The following ANKRD30A variants were observed in gnomAD, a reference collection of about 807,000 sequenced individuals.
ANKRD30A encodes ankyrin repeat domain-containing protein 30A.
A neutral mutation model predicts 166.3 loss-of-function variants in ANKRD30A; 170 were observed. That is an observed-to-expected ratio of 1.02 (90% CI 0.90 to 1.16). The LOEUF (loss-of-function observed/expected upper bound fraction) is 1.16. Among genes scored for constraint, ANKRD30A ranks in the 50% most tolerant of loss-of-function variants. ANKRD30A has a pLI of 0.00. For synonymous variants in ANKRD30A, 564 were observed against 508.9 expected, an observed-to-expected ratio of 1.11 and a Z score of -1.46; for missense variants, 1,630 against 1,518.0, an observed-to-expected ratio of 1.07 and a Z score of -1.23.
At chr10:37,149,288 C>T (rs1005881724) in intron 9 of ANKRD30A, among the ~76,000 whole-genome samples, 5 of 151,884 alleles carry the variant, frequency 3.3e-5, no homozygotes, top group African/African-American at 9.7e-5. Flanking sequence ...AAAGATAGGC[C>T]ATATTAAAGA....
chr10:37,153,840 A>T (rs1413310850), intron 13 of ANKRD30A, among the ~76,000 whole-genome samples, 178 bp downstream of exon 13: 1 of 152,168 alleles, frequency 6.6e-6, no homozygotes, highest in African/African-American at 2.4e-5. Flanking sequence ...GACTATATTG[A>T]GAGTGCTGAA....
downstream of ANKRD30A, among the ~76,000 whole-genome samples, chr10:37,237,057 C>G (rs966773866): frequency 3.3e-5 from 5 of 152,156 alleles, no homozygotes; most frequent in African/African-American, 1.2e-4. Context: ...TATTTTTTAA[C>G]CTGTTGCACC....
At chr10:37,234,863 TCACATGGTGGAAAGTTGTGC>T (rs1383246642), downstream of ANKRD30A, among the ~76,000 whole-genome samples, 1 of 152,174 alleles carries the variant, frequency 6.6e-6, no homozygotes, top group South Asian at 2.1e-4. Flanking sequence ...GAACATTGTG[TCACATGGTGGAAAGTTGTGC>T]CACATGGTGG....
intron 24 of ANKRD30A, among the ~76,000 whole-genome samples, chr10:37,179,713 T>C (rs1196849272): frequency 2.9e-5 from 4 of 139,076 alleles, no homozygotes; most frequent in Non-Finnish European, 6.4e-5. Flanking sequence ...TGCAATGATA[T>C]AAATTATTAT....
chr10:37,255,624 A>G, the ANKRD30A span, among the ~76,000 whole-genome samples: 582 of 152,320 alleles, frequency 3.8e-3, 1 homozygote, highest in African/African-American at 0.013. Flanking sequence ...GTAGTCATTA[A>G]GCAATAACTC....
Position 37,164,077 on chromosome 10 carries a change from G to T in ANKRD30A, c.2003-1017G>T, listed in dbSNP as rs1310990561. Among the ~76,000 whole-genome samples the T allele has an allele frequency of 2.0e-5, 3 of 148,044 alleles. No homozygotes were observed. In the Admixed American group the frequency reaches 2.1e-4, roughly 10 times the overall value. On this transcript the variant is annotated intron_variant, in intron 17 of 35. Coordinates refer to ENST00000361713, the MANE Select transcript of ANKRD30A (RefSeq NM_052997.3). ...TTTGAGTTTCCTGGACCCTCTGCAT[G>T]AATTGTGAACATGAGCTATGCTGAG...
rs562392069 is a variant in ANKRD30A at position 37,193,998 on chromosome 10, C to G, written c.2614+740C>G. On this transcript the variant is annotated intron_variant, in intron 27 of 35. Transcript: ENST00000361713. ...TAAGTTAAGGTCAGGAGTCCCAGAC[C>G]AGCCTGGTCAAATTAGTGAAACCCC... Among the ~76,000 whole-genome samples, 7 of 152,210 alleles carry G rather than the reference C, an allele frequency of 4.6e-5. No individual in the cohort carries two copies. The East Asian group carries it at 1.4e-3, about 30-fold the overall frequency.
chr10:37,253,947 G>A, the ANKRD30A span, among the ~76,000 whole-genome samples: 2 of 152,310 alleles, frequency 1.3e-5, no homozygotes, highest in Admixed American at 1.3e-4. Context: ...ACTGCGCCCA[G>A]TCTATTATAA....
chr10:37,226,781 AAGCAGCTATACCATTTTTCATT>A (rs138860607), intron 34 of ANKRD30A, among the ~76,000 whole-genome samples: 27,299 of 151,742 alleles, frequency 0.18, 3,125 homozygotes, highest in Admixed American at 0.26. Flanking sequence ...ACATTTTCCA[AAGCAGCTATACCATTTTTCATT>A]AGCAGTATGA....
downstream of ANKRD30A, chr10:37,232,697 T>TATATATATAGAGAGAGAGAGAGAG (rs1273812991): frequency 6.4e-5 from 5 of 78,400 alleles, no homozygotes; most frequent in African/African-American, 2.4e-4. Flanking sequence ...TATATATAAA[T>TATATATATAGAGAGAGAGAGAGAG]AGAGAGAGAG....
chr10:37,211,421 A>T (rs1243341703), intron 31 of ANKRD30A, among the ~76,000 whole-genome samples: 1 of 152,000 alleles, frequency 6.6e-6, no homozygotes, highest in Non-Finnish European at 1.5e-5. Context: ...GCTGAGAATG[A>T]TGGTTTCCAG....
At chr10:37,145,641 A>G (rs1162485921) in intron 8 of ANKRD30A, among the ~76,000 whole-genome samples, 1 of 152,284 alleles carries the variant, frequency 6.6e-6, no homozygotes, top group Non-Finnish European at 1.5e-5. Flanking sequence ...AATTCACATG[A>G]GTTCTGAGGT....
chr10:37,233,925 A>G (rs1843556245), downstream of ANKRD30A, among the ~76,000 whole-genome samples: 1 of 152,192 alleles, frequency 6.6e-6, no homozygotes, highest in African/African-American at 2.4e-5. Context: ...CTAATCTAAC[A>G]TAAAATATGT....
chr10:37,261,729 A>AAAGG, the ANKRD30A span: 1 of 152,198 alleles, frequency 6.6e-6, no homozygotes, highest in Non-Finnish European at 1.5e-5. Context: ...TAGGCATTAG[A>AAAGG]ATCACGAGAA....
rs1171849452 is a variant in ANKRD30A, at chr10:37,193,106, T to C, written c.2541+14T>C. ...GGTTTTCTGAAGGTAATAACTTTTA[T>C]ATTTTTATCTTGAGTATTAACTACA... On this transcript the variant is annotated intron_variant, in intron 26 of 35. Coordinates refer to ENST00000361713, the MANE Select transcript of ANKRD30A (RefSeq NM_052997.3). 2 of 1,604,766 alleles carry C rather than the reference T, an allele frequency of 1.2e-6. No homozygotes were observed. The highest frequency in any genetic ancestry group is 2.2e-5 in the East Asian group (1 of 44,702).
chr10:37,225,881 A>C (rs1843123446), intron 34 of ANKRD30A, among the ~76,000 whole-genome samples: 1 of 151,710 alleles, frequency 6.6e-6, no homozygotes, highest in South Asian at 2.1e-4. Flanking sequence ...GAATTATACA[A>C]TCGTCACCAC....
At chr10:37,195,179 G>A (rs1840977300) in intron 27 of ANKRD30A, among the ~76,000 whole-genome samples, 2 of 152,192 alleles carry the variant, frequency 1.3e-5, no homozygotes, top group Admixed American at 1.3e-4. Context: ...AGGTTTTAAA[G>A]TGCCAAATAA....
At chr10:37,248,155 T>C in the ANKRD30A span, 1 of 631,902 alleles carries the variant, frequency 1.6e-6, no homozygotes, top group South Asian at 1.4e-5. Context: ...CTGGGAGTCT[T>C]CCAGAGGTCT....
intron 15 of ANKRD30A, among the ~76,000 whole-genome samples, chr10:37,159,392 C>A (rs1838653421): frequency 6.6e-6 from 1 of 152,020 alleles, no homozygotes; most frequent in Non-Finnish European, 1.5e-5. Context: ...ATGGTGGGTG[C>A]CTGTCATCTC....
Sources: allele counts gnomAD v4.1 joint callset (sites outside exome capture counted in the v4.1 genomes callset), GRCh38; gene constraint gnomAD v4.1.1; transcripts MANE v1.5; gene names NCBI Gene and HGNC (gene_info 2026-07-23, HGNC 2026-07-21).